The following INTS6 variants were observed in gnomAD, a reference collection of about 807,000 sequenced individuals.
INTS6 encodes the protein integrator complex subunit 6, also known as DEAD box protein.
INTS6 carries 16 observed loss-of-function variants against 104.9 expected under a neutral mutation model. That is an observed-to-expected ratio of 0.15 (90% CI 0.10 to 0.23). The LOEUF (loss-of-function observed/expected upper bound fraction) is 0.23. INTS6 is among the 10% of genes least tolerant of loss of function. The probability of loss-of-function intolerance (pLI) is 1.00; values close to 1 mark genes in which losing one functional copy is unlikely to be tolerated. For synonymous variants in INTS6, 324 were observed against 358.7 expected, an observed-to-expected ratio of 0.90 and a Z score of 1.09; for missense variants, 584 against 1,062.8, an observed-to-expected ratio of 0.55 and a Z score of 6.26.
the INTS6 span, chr13:51,340,919 C>A: frequency 2.3e-4 from 151 of 660,384 alleles, no homozygotes; most frequent in Non-Finnish European, 3.2e-4. Context: ...GACGGCTGGG[C>A]CTCAGGGTAG....
rs1045825171 is a variant in INTS6, at chr13:51,452,690, C to A, written c.-165G>T. ...CTCCGGCTGCGGGGAGTTTCTCCCC[C>A]GATAGTTGAGAGGAAACTCCCCAGA... On this transcript the variant is annotated 5_prime_UTR_variant, in exon 1 of 18. Transcript: ENST00000311234. The surrounding 1 kb of genome is among the most constrained non-coding windows in gnomAD (Gnocchi z 4.2). 7.2e-7 allele frequency: 1 copy of A among 1,385,190 alleles called. No homozygotes were observed. Among genetic ancestry groups the A allele is most frequent in the Non-Finnish European group, 9.4e-7 (1 of 1,069,002 alleles). The allele number at this position is 1,385,190 out of a possible 1,614,324, so 85.8% of individuals were successfully genotyped here.
In INTS6 at chr13:51,374,331, A is replaced by T; in HGVS notation, c.1981T>A (p.Ser661Thr). ...QGIPKRRRCM[S>T]PLLRGRQQNP... The stretch of plus-strand genomic sequence containing the variant: ...TGCTGTCTGCCTCTTAGTAGTGGAG[A>T]CATACACCGACGTCTTTTAGGGATC... Residue 661 changes from serine to threonine, a missense_variant, in exon 15 of 18, where the codon TCT becomes ACT. Around this residue, in one of 5 missense-constraint regions of INTS6, gnomAD observed 296 missense variants for 437.0 expected, o/e 0.68. Coordinates refer to ENST00000311234, the MANE Select transcript of INTS6 (RefSeq NM_012141.3). The T allele has an allele frequency of 6.2e-7, 1 of 1,614,056 alleles. No homozygotes were observed. The highest frequency in any genetic ancestry group is 8.5e-7 in the Non-Finnish European group (1 of 1,179,954).
chr13:51,427,684 A>T (rs1176315479), intron 4 of INTS6, among the ~76,000 whole-genome samples: 2 of 152,232 alleles, frequency 1.3e-5, no homozygotes, highest in Non-Finnish European at 2.9e-5. Flanking sequence ...GCTTTAAAAC[A>T]AATGAACCTT....
chr13:51,450,833 T>G lies in INTS6; in HGVS notation c.339+192A>C. 5 of 1,207,854 alleles carry G rather than the reference T, an allele frequency of 4.1e-6. No individual in the cohort carries two copies. The South Asian group carries it at 1.5e-4, about 36-fold the overall frequency. The allele number at this position is 1,207,854 out of a possible 1,614,324, so 74.8% of individuals were successfully genotyped here. On this transcript the variant is annotated intron_variant, in intron 3 of 17. Transcript: ENST00000311234. ...TCTAATCCTGAATACCAATGCATTT[T>G]AGAGGGGGAAAAAATGAGGGATGTA...
Position 51,367,025 on chromosome 13 carries a change from C to T in INTS6, c.2570+780G>A, listed in dbSNP as rs117637886. Among the ~76,000 whole-genome samples the T allele has an allele frequency of 6.9e-3, 1,051 of 151,992 alleles. 15 individuals are homozygous for T. The highest frequency in any genetic ancestry group is 0.023 in the Admixed American group (354 of 15,232). On this transcript the variant is annotated intron_variant, in intron 17 of 17. Transcript: ENST00000311234. ...CCACCTTCTTTACACAGTGATCCCTCGGTATGGATGGGGGATTTATTCTAG... is the reference window on the plus strand; with the variant it reads ...CCACCTTCTTTACACAGTGATCCCTTGGTATGGATGGGGGATTTATTCTAG...
chr13:51,393,815 T>C (rs1190077280), intron 5 of INTS6, among the ~76,000 whole-genome samples: 1 of 152,242 alleles, frequency 6.6e-6, no homozygotes, highest in African/African-American at 2.4e-5. Flanking sequence ...TGATGTCTCA[T>C]GGTTCTTTTC....
rs150982737 is a variant in INTS6, at chr13:51,406,519, C to T, written c.430-11036G>A. Among the ~76,000 whole-genome samples the T allele has an allele frequency of 4.9e-3, 750 of 152,266 alleles. 7 individuals are homozygous for T. Among genetic ancestry groups the T allele is most frequent in the African/African-American group, 0.016 (656 of 41,540 alleles). On this transcript the variant is annotated intron_variant, in intron 4 of 17. Coordinates refer to ENST00000311234, the MANE Select transcript of INTS6 (RefSeq NM_012141.3). Reference sequence around the variant, plus strand: ...ATGTCAGCAGGTTTTACTGATTTAACCTCCTAAGTATCTCTTGAAACTGAA... The same window carrying T: ...ATGTCAGCAGGTTTTACTGATTTAATCTCCTAAGTATCTCTTGAAACTGAA...
At chr13:51,450,723 T>C (rs1405773353) in intron 3 of INTS6, 2 of 1,028,354 alleles carry the variant, frequency 1.9e-6, no homozygotes, top group African/African-American at 1.7e-5. Context: ...TGTGGTGTGG[T>C]AGGATGCTTT....
chr13:51,387,895 C>T (rs1038091281), intron 6 of INTS6, among the ~76,000 whole-genome samples: 8 of 152,112 alleles, frequency 5.3e-5, no homozygotes, highest in Non-Finnish European at 1.0e-4. Flanking sequence ...CAATTTGCCA[C>T]CTTTATCATC....
At chr13:51,397,068 T>TA (rs1218220314) in intron 4 of INTS6, among the ~76,000 whole-genome samples, 1 of 152,208 alleles carries the variant, frequency 6.6e-6, no homozygotes, top group African/African-American at 2.4e-5. Context: ...AAACATGCTT[T>TA]AAAATGATCA....
At chr13:51,380,914 T>C (rs1329290854) in intron 10 of INTS6, among the ~76,000 whole-genome samples, 2 of 152,124 alleles carry the variant, frequency 1.3e-5, no homozygotes, top group African/African-American at 4.8e-5. Context: ...CAACAAAAAC[T>C]ATTGTGCACC....
intron 4 of INTS6, among the ~76,000 whole-genome samples, chr13:51,403,636 T>C (rs1002900031): frequency 6.9e-6 from 1 of 144,516 alleles, no homozygotes; most frequent in African/African-American, 2.6e-5. Flanking sequence ...ATTTCCCCTT[T>C]CTTGAACTTG....
chr13:51,344,238 C>T, the INTS6 span: 6 of 1,606,162 alleles, frequency 3.7e-6, no homozygotes, highest in Non-Finnish European at 5.1e-6. Context: ...CTTATCCCAA[C>T]TTGTTTTTCA....
chr13:51,340,350 G>A, the INTS6 span, among the ~76,000 whole-genome samples: 2 of 152,158 alleles, frequency 1.3e-5, no homozygotes, highest in South Asian at 4.1e-4. Context: ...CATTTCTGGG[G>A]TAGGAACTAT....
At chr13:51,423,058 C>G in intron 4 of INTS6, 1 of 1,282,328 alleles carries the variant, frequency 7.8e-7, no homozygotes, top group African/African-American at 1.5e-5. Flanking sequence ...CGTTTTCTAG[C>G]CTTGCTTAAT....
Position 51,362,137 on chromosome 13 carries a change from A to ATT in INTS6, c.*3613_*3614dup, listed in dbSNP as rs372324956. The ATT allele has an allele frequency of 1.0e-4, 104 of 1,025,460 alleles. No homozygotes were observed. Among genetic ancestry groups the ATT allele is most frequent in the South Asian group, 1.3e-4 (5 of 38,776 alleles). 63.5% of individuals were successfully genotyped at this position (1,025,460 alleles called of 1,614,324 possible). On this transcript the variant is annotated 3_prime_UTR_variant, in exon 18 of 18. Transcript: ENST00000311234. Reference sequence around the variant, plus strand: ...CTCAGCTCATATATAGTTAATGTAGATTTTTTTTTTTAATGCTATAGGTTT... The same window carrying ATT: ...CTCAGCTCATATATAGTTAATGTAGATTTTTTTTTTTTTAATGCTATAGGTTT...
chr13:51,339,975 C>T, the INTS6 span, among the ~76,000 whole-genome samples: 1 of 152,116 alleles, frequency 6.6e-6, no homozygotes, highest in African/African-American at 2.4e-5. Context: ...GTCATCCAAG[C>T]ACTGCATTTG....
rs1377846680 is a variant in INTS6, at chr13:51,376,035, A to G, written c.1729+13T>C. 6.3e-7 allele frequency: 1 copy of G among 1,587,216 alleles called. No homozygotes were observed. Among genetic ancestry groups the G allele is most frequent in the East Asian group, 2.2e-5 (1 of 44,558 alleles). On this transcript the variant is annotated intron_variant, in intron 13 of 17. Coordinates refer to ENST00000311234, the MANE Select transcript of INTS6 (RefSeq NM_012141.3). ...AAAAATTAAAAATACCAGTATTGAA[A>G]CTATGTTCTAACCTTCGTCCTGTCC...
At chr13:51,372,539 C>T (rs1052081867) in intron 15 of INTS6, among the ~76,000 whole-genome samples, 2 of 152,118 alleles carry the variant, frequency 1.3e-5, no homozygotes, top group Middle Eastern at 3.2e-3. Flanking sequence ...AGTAACCTGC[C>T]TCTCATACTA....
Sources: allele counts gnomAD v4.1 joint callset (sites outside exome capture counted in the v4.1 genomes callset), GRCh38; gene constraint gnomAD v4.1.1; regional missense constraint gnomAD v4.1.1; non-coding constraint Gnocchi (gnomAD v3.1); transcripts MANE v1.5; gene names NCBI Gene and HGNC (gene_info 2026-07-23, HGNC 2026-07-21).